The following CDK14 variants were observed in gnomAD, a reference collection of about 807,000 sequenced individuals.
The protein encoded by CDK14 is cyclin-dependent kinase 14.
In CDK14, 34 loss-of-function variants were observed where a neutral mutation model predicts 60.7. The ratio of observed to expected loss-of-function variants is 0.56; its 90% CI spans 0.43 to 0.75. CDK14 has a LOEUF of 0.75. Ranked by LOEUF, CDK14 falls within the 30% of genes least tolerant of loss-of-function variation. The pLI is 0.00. For missense variants in CDK14, 482 were observed against 564.1 expected (o/e 0.85, Z 1.47); for synonymous variants, 197 against 203.7 (o/e 0.97, Z 0.28).
chr7:90,738,442 T>G (rs1013032992), intron 3 of CDK14, among the ~76,000 whole-genome samples: 1 of 152,208 alleles, frequency 6.6e-6, no homozygotes, highest in African/African-American at 2.4e-5. Flanking sequence ...TATGGCAGGG[T>G]GACAAACATT....
intron 1 of CDK14, among the ~76,000 whole-genome samples, chr7:90,598,704 A>AGTTGTT (rs1799247248): frequency 1.1e-5 from 1 of 87,904 alleles, no homozygotes; most frequent in Non-Finnish European, 2.3e-5. Context: ...TTATCTAAGG[A>AGTTGTT]TTTTTTTTTT....
chr7:90,963,842 A>G (rs1794677941), intron 9 of CDK14, among the ~76,000 whole-genome samples: 1 of 150,156 alleles, frequency 6.7e-6, no homozygotes, highest in Non-Finnish European at 1.5e-5. Flanking sequence ...CAGCCTCCTG[A>G]CTAGCCGGGA....
rs148336753 is a variant in CDK14 at position 91,207,800 on chromosome 7, G to A, written c.*664G>A. The stretch of plus-strand genomic sequence containing the variant: ...ATTGGACTCTGCTTAGCATTTTCAA[G>A]CCACATAGCATGACTGTTTTTTGAA... On this transcript the variant is annotated 3_prime_UTR_variant, in exon 15 of 15. Coordinates refer to ENST00000380050, the MANE Select transcript of CDK14 (RefSeq NM_001287135.2). The A allele has an allele frequency of 1.1e-3, 167 of 152,728 alleles. 1 individual carries two copies. Among genetic ancestry groups the A allele is most frequent in the African/African-American group, 3.7e-3 (154 of 41,558 alleles). 9.5% of individuals were successfully genotyped at this position (152,728 alleles called of 1,614,324 possible). A position where few individuals can be genotyped will look rare whatever the true frequency, so the allele number is the denominator to read the frequency against.
intron 8 of CDK14, among the ~76,000 whole-genome samples, chr7:90,930,261 A>C (rs1456947007): frequency 6.6e-6 from 1 of 152,216 alleles, no homozygotes; most frequent in Non-Finnish European, 1.5e-5. Context: ...TAGATTGCCA[A>C]AATGTATGAT....
chr7:90,785,693 A>G (rs1284479331), intron 4 of CDK14, among the ~76,000 whole-genome samples: 2 of 149,300 alleles, frequency 1.3e-5, no homozygotes, highest in Admixed American at 6.8e-5. Flanking sequence ...AGGCTGAGGC[A>G]GGAGAATGGT....
rs575677249 is a variant in CDK14 at position 90,927,237 on chromosome 7, C to G, written c.826+9513C>G. Among the ~76,000 whole-genome samples the G allele has an allele frequency of 2.0e-5, 3 of 152,212 alleles. No homozygotes were observed. The South Asian group carries it at 6.2e-4, about 32-fold the overall frequency. Reference sequence around the variant, plus strand: ...GCAGATTACAACCCTGTAATCATGCCTTGGTTCTTCTGGCAACCAATCCCC... The same window carrying G: ...GCAGATTACAACCCTGTAATCATGCGTTGGTTCTTCTGGCAACCAATCCCC... On this transcript the variant is annotated intron_variant, in intron 8 of 14. Transcript: ENST00000380050.
intron 7 of CDK14, among the ~76,000 whole-genome samples, chr7:90,901,674 G>A (rs375779416): frequency 6.7e-6 from 1 of 148,196 alleles, no homozygotes. Context: ...AGCTTTATAT[G>A]TATATATATA....
chr7:90,771,989 T>C (rs1804801905), intron 4 of CDK14, among the ~76,000 whole-genome samples: 1 of 152,238 alleles, frequency 6.6e-6, no homozygotes, highest in African/African-American at 2.4e-5. Context: ...AACATTCCAA[T>C]CAGGCTAAGG....
chr7:90,691,042 T>C (rs1232741136), intron 2 of CDK14, among the ~76,000 whole-genome samples: 2 of 152,202 alleles, frequency 1.3e-5, no homozygotes, highest in African/African-American at 2.4e-5. Flanking sequence ...TTATTCTTAC[T>C]CATAGTAATA....
In CDK14 at chr7:90,679,756, G is replaced by A. The variant is rs992517010; in HGVS notation, c.124-46811G>A. Among the ~76,000 whole-genome samples the A allele has an allele frequency of 2.0e-5, 3 of 152,314 alleles. No individual in the cohort carries two copies. In the South Asian group the frequency reaches 6.2e-4, roughly 32 times the overall value. ...TTTCTTAGCAAATCAATCAATTTTT[G>A]CTGGCATAGTACAGCTATGCTGTAT... On this transcript the variant is annotated intron_variant, in intron 2 of 14. Transcript: ENST00000380050.
chr7:90,806,020 G>C (rs1008835768), intron 5 of CDK14, among the ~76,000 whole-genome samples: 1 of 152,138 alleles, frequency 6.6e-6, no homozygotes, highest in African/African-American at 2.4e-5. Flanking sequence ...TTTTTAATAA[G>C]TTGCAAGGCA....
chr7:91,031,388 C>T (rs538412199), intron 10 of CDK14, among the ~76,000 whole-genome samples: 36 of 150,902 alleles, frequency 2.4e-4, no homozygotes, highest in Middle Eastern at 3.4e-3. Context: ...GGAGTTTGGA[C>T]GAATCTTAGC....
At chr7:91,000,343 C>T (rs1167606816) in intron 10 of CDK14, among the ~76,000 whole-genome samples, 2 of 152,182 alleles carry the variant, frequency 1.3e-5, no homozygotes, top group African/African-American at 4.8e-5. Flanking sequence ...CAATATTTTG[C>T]CATCTCTTTT....
intron 5 of CDK14, among the ~76,000 whole-genome samples, chr7:90,804,961 A>T (rs985666588): frequency 6.6e-6 from 1 of 152,078 alleles, no homozygotes; most frequent in Non-Finnish European, 1.5e-5. Context: ...ATTTTCACCA[A>T]ATCTTATGTT....
At chr7:91,047,476 A>T (rs1441983775) in intron 11 of CDK14, among the ~76,000 whole-genome samples, 1 of 152,236 alleles carries the variant, frequency 6.6e-6, no homozygotes, top group Non-Finnish European at 1.5e-5. Context: ...GAACTTCATG[A>T]CACCAGGGAC....
chr7:90,961,199 A>T (rs918221217), intron 9 of CDK14, among the ~76,000 whole-genome samples: 12 of 152,158 alleles, frequency 7.9e-5, no homozygotes, highest in Non-Finnish European at 1.6e-4. Flanking sequence ...ACAGCAAAAC[A>T]TATATTTTAT....
chr7:90,648,684 T>A lies in CDK14; in HGVS notation c.123+44435T>A, dbSNP rs147238575. On this transcript the variant is annotated intron_variant, in intron 2 of 14. Transcript: ENST00000380050. The stretch of plus-strand genomic sequence containing the variant: ...AGAATTGGAGGATATTTAAACAGAT[T>A]TGGGGAAGCTAGGAATCTATTAAGA... Among the ~76,000 whole-genome samples, 5 of 152,168 alleles carry A rather than the reference T, an allele frequency of 3.3e-5. No individual in the cohort carries two copies. The East Asian group carries it at 9.7e-4, about 29-fold the overall frequency.
In CDK14 at chr7:91,027,578, G is replaced by T. The variant is rs148025595; in HGVS notation, c.1042-18319G>T. On this transcript the variant is annotated intron_variant, in intron 10 of 14. Coordinates refer to ENST00000380050, the MANE Select transcript of CDK14 (RefSeq NM_001287135.2). ...GCTTTTAGGAATAAGTAGCCCATTT[G>T]TAGGTGAAAGTCTGTACTATTGTAT... Among the ~76,000 whole-genome samples, 178 of 152,218 alleles carry T rather than the reference G, an allele frequency of 1.2e-3. 3 individuals carry two copies. In the East Asian group the frequency reaches 0.025, roughly 21 times the overall value.
At chr7:91,113,170 C>T (rs1174823753) in intron 13 of CDK14, among the ~76,000 whole-genome samples, 1 of 152,178 alleles carries the variant, frequency 6.6e-6, no homozygotes, top group East Asian at 1.9e-4. Context: ...TCTCAGAGAC[C>T]ATCTTGGTTG....
Sources: allele counts gnomAD v4.1 joint callset (sites outside exome capture counted in the v4.1 genomes callset), GRCh38; gene constraint gnomAD v4.1.1; transcripts MANE v1.5; gene names NCBI Gene and HGNC (gene_info 2026-07-23, HGNC 2026-07-21).